KDM6A: variants seen among roughly 807,000 people sequenced by gnomAD.
The protein encoded by KDM6A is lysine-specific demethylase 6A.
Under a neutral mutation model 117.6 loss-of-function variants are expected in KDM6A, and 11 were observed. The observed-to-expected ratio is 0.09, with a 90% confidence interval of 0.06 to 0.15. KDM6A has a LOEUF of 0.15. KDM6A is among the 10% of genes least tolerant of loss of function. KDM6A has a pLI of 1.00. For synonymous variants in KDM6A, 384 were observed against 396.1 expected, an observed-to-expected ratio of 0.97 and a Z score of 0.36; for missense variants, 799 against 1,077.3, an observed-to-expected ratio of 0.74 and a Z score of 3.62.
At chrX:45,026,664 TAAAAAAAA>T (rs35015536) in intron 6 of KDM6A, among the ~76,000 whole-genome samples, 2 of 84,672 alleles carry the variant, frequency 2.4e-5, no homozygotes. Flanking sequence ...CCGTCTCTAC[TAAAAAAAA>T]AAAAAAAAAA....
At chrX:44,908,165 C>G (rs985395104) in intron 2 of KDM6A, among the ~76,000 whole-genome samples, 1 of 110,577 alleles carries the variant, frequency 9.0e-6, no homozygotes, top group African/African-American at 3.3e-5. Context: ...CTTGAAAGGG[C>G]TTTTGTCTTG....
At chrX:44,971,907 G>T (rs2039363882) in intron 3 of KDM6A, among the ~76,000 whole-genome samples, 1 of 110,007 alleles carries the variant, frequency 9.1e-6, no homozygotes, top group Non-Finnish European at 1.9e-5. Flanking sequence ...CCACTGGGGC[G>T]CCTGGATAAG....
At chrX:44,891,727 C>T in intron 2 of KDM6A, among the ~76,000 whole-genome samples, 1 of 111,995 alleles carries the variant, frequency 8.9e-6, no homozygotes, top group Non-Finnish European at 1.9e-5. Flanking sequence ...GACGCGTCCA[C>T]CCTACTGCCG....
intron 2 of KDM6A, among the ~76,000 whole-genome samples, chrX:44,933,730 A>G (rs760347216): frequency 9.1e-6 from 1 of 110,116 alleles, no homozygotes; most frequent in Non-Finnish European, 1.9e-5. Flanking sequence ...GGTGCCCACC[A>G]CCATGCCTGG....
At chrX:45,012,395 G>A (rs1434216973) in intron 5 of KDM6A, among the ~76,000 whole-genome samples, 3 of 108,570 alleles carry the variant, frequency 2.8e-5, no homozygotes, top group Non-Finnish European at 5.7e-5. Context: ...TAGAGACGGA[G>A]TTTTACCATG....
chrX:44,886,442 T>A (rs184289214), intron 2 of KDM6A, among the ~76,000 whole-genome samples: 401 of 110,747 alleles, frequency 3.6e-3, no homozygotes, highest in African/African-American at 0.012. Context: ...GAATATTAAT[T>A]CATTCCGTGA....
intron 23 of KDM6A, 125 bp from the exon 24 acceptor site, chrX:45,083,335 G>T: frequency 3.1e-6 from 2 of 635,164 alleles, no homozygotes; most frequent in South Asian, 7.8e-5. Context: ...TTTTCTTATG[G>T]AAAAGTAAAA....
intron 2 of KDM6A, among the ~76,000 whole-genome samples, chrX:44,910,475 T>C (rs1602149244): frequency 9.4e-6 from 1 of 106,385 alleles, no homozygotes; most frequent in East Asian, 3.0e-4. Context: ...TTTTTTTCTT[T>C]AGCTTATTTA....
intron 27 of KDM6A, among the ~76,000 whole-genome samples, chrX:45,093,922 A>G (rs1421039467): frequency 1.8e-5 from 2 of 111,086 alleles, no homozygotes; most frequent in South Asian, 3.8e-4. Context: ...ATTCTTATCT[A>G]TACTCCATTT....
chrX:44,907,470 G>T (rs868091515), intron 2 of KDM6A, among the ~76,000 whole-genome samples: 5 of 74,776 alleles, frequency 6.7e-5, no homozygotes, highest in African/African-American at 1.9e-4. Flanking sequence ...TGTGTGTGTG[G>T]TTTTTTTTTT....
At chrX:44,931,462 G>C (rs1359749032) in intron 2 of KDM6A, among the ~76,000 whole-genome samples, 1 of 112,026 alleles carries the variant, frequency 8.9e-6, no homozygotes, top group East Asian at 2.8e-4. Flanking sequence ...CATCCCAAAT[G>C]AGCATCAGCA....
At chrX:45,109,398 C>G (rs1357475645) in intron 28 of KDM6A, among the ~76,000 whole-genome samples, 3 of 111,038 alleles carry the variant, frequency 2.7e-5, no homozygotes, top group Admixed American at 9.6e-5. Flanking sequence ...ACATGGTGAA[C>G]TCTAGGATTG....
In KDM6A at chrX:44,897,950, C is replaced by G. The variant is rs146006841; in HGVS notation, c.225+23963C>G. 2.9e-3 allele frequency among the ~76,000 whole-genome samples: 328 copies of G among 111,281 alleles called. 1 individual carries two copies. Among genetic ancestry groups the G allele is most frequent in the African/African-American group, 0.01 (310 of 30,628 alleles). On this transcript the variant is annotated intron_variant, in intron 2 of 29. Transcript: ENST00000611820. ...GTGGGTGTGTTCATTCAGCTTCTTG[C>G]TGGGTCCTGCTGATAATTACTGTGG...
intron 2 of KDM6A, among the ~76,000 whole-genome samples, chrX:44,878,788 CT>C (rs2031948781): frequency 9.1e-6 from 1 of 110,200 alleles, no homozygotes; most frequent in African/African-American, 3.3e-5. Flanking sequence ...GTAGAGTGAT[CT>C]CGGCTCACTG....
chrX:44,874,118 C>T lies in KDM6A; in HGVS notation c.225+131C>T, dbSNP rs1172582903. On this transcript the variant is annotated intron_variant, in intron 2 of 29. Coordinates refer to ENST00000611820, the MANE Select transcript of KDM6A (RefSeq NM_001291415.2). ...GTCGAGGGGCTTCCGGAAACTATTT[C>T]CTGCCTCTGCTCTCCCCCCACCCCC... 3.8e-5 allele frequency: 22 copies of T among 579,767 alleles called. No individual in the cohort carries two copies. In the East Asian group the frequency reaches 7.9e-4, roughly 21 times the overall value. The allele number at this position is 579,767 out of a possible 1,213,427, so 47.8% of individuals were successfully genotyped here.
At chrX:45,031,883 A>G (rs949700196) in intron 6 of KDM6A, among the ~76,000 whole-genome samples, 3 of 111,778 alleles carry the variant, frequency 2.7e-5, no homozygotes, top group Non-Finnish European at 5.6e-5. Flanking sequence ...GCAAAATACT[A>G]TAACATTATT....
chrX:44,989,305 C>G (rs1285621597), intron 4 of KDM6A, among the ~76,000 whole-genome samples: 2 of 104,612 alleles, frequency 1.9e-5, no homozygotes, highest in Non-Finnish European at 3.9e-5. Flanking sequence ...TCTGTCACCC[C>G]TTTCTTTGAC....
chrX:45,080,425 A>G lies in KDM6A; in HGVS notation c.3300+1074A>G, dbSNP rs978951995. Among the ~76,000 whole-genome samples the G allele has an allele frequency of 2.5e-3, 282 of 112,196 alleles. 2 individuals are homozygous for G. Among genetic ancestry groups the G allele is most frequent in the African/African-American group, 9.1e-3 (280 of 30,914 alleles). On this transcript the variant is annotated intron_variant, in intron 21 of 29. Coordinates refer to ENST00000611820, the MANE Select transcript of KDM6A (RefSeq NM_001291415.2). ...TGAGAACTTTGTGAATTCTCTTACA[A>G]AGTGAACATAATACATCCAAACAAA...
chrX:44,972,238 A>G (rs1379491541), intron 3 of KDM6A, among the ~76,000 whole-genome samples: 1 of 110,946 alleles, frequency 9.0e-6, no homozygotes, highest in African/African-American at 3.3e-5. Flanking sequence ...TGGTTTAAAG[A>G]CTATTAAAAT....
Sources: allele counts gnomAD v4.1 joint callset (sites outside exome capture counted in the v4.1 genomes callset), GRCh38; gene constraint gnomAD v4.1.1; transcripts MANE v1.5; gene names NCBI Gene and HGNC (gene_info 2026-07-23, HGNC 2026-07-21).